LIMCH1: variants seen among roughly 807,000 people sequenced by gnomAD.
LIMCH1 encodes the protein LIM and calponin homology domains-containing protein 1.
A neutral mutation model predicts 176.5 loss-of-function variants in LIMCH1; 113 were observed. The ratio of observed to expected loss-of-function variants is 0.64; its 90% CI spans 0.55 to 0.75. The LOEUF (loss-of-function observed/expected upper bound fraction) is 0.75. Among genes scored for constraint, LIMCH1 ranks in the 30% least tolerant of loss-of-function variants. The pLI is 0.00. For missense variants in LIMCH1, 1,674 were observed against 1,814.9 expected, an observed-to-expected ratio of 0.92 and a Z score of 1.41; for synonymous variants, 619 against 645.9, an observed-to-expected ratio of 0.96 and a Z score of 0.63.
intron 1 of LIMCH1, among the ~76,000 whole-genome samples, chr4:41,432,610 A>G (rs987096791): frequency 1.3e-5 from 2 of 152,214 alleles, no homozygotes; most frequent in Non-Finnish European, 2.9e-5. Context: ...TGGGAATAGC[A>G]TCATTTGGGC....
intron 12 of LIMCH1, 131 bp from the exon 13 acceptor site, chr4:41,633,417 G>C: frequency 9.2e-7 from 1 of 1,091,646 alleles, no homozygotes; most frequent in Non-Finnish European, 1.3e-6. Flanking sequence ...TTCCTGCTCA[G>C]CTGCTCTGTG....
At chr4:41,642,157 T>A (rs2152916054) in intron 14 of LIMCH1, among the ~76,000 whole-genome samples, 1 of 152,330 alleles carries the variant, frequency 6.6e-6, no homozygotes, top group South Asian at 2.1e-4. Flanking sequence ...CAGAGTTGAA[T>A]GAAGGGACCT....
chr4:41,420,797 G>A (rs1284618554), intron 1 of LIMCH1, among the ~76,000 whole-genome samples: 1 of 152,234 alleles, frequency 6.6e-6, no homozygotes, highest in Non-Finnish European at 1.5e-5. Context: ...TTGATGGCAG[G>A]TGTTACCTTG....
At chr4:41,415,029 A>G (rs937092792) in intron 1 of LIMCH1, among the ~76,000 whole-genome samples, 2 of 152,132 alleles carry the variant, frequency 1.3e-5, no homozygotes, top group African/African-American at 4.8e-5. Context: ...ACAATATAAT[A>G]CCTGTTTCAT....
chr4:41,470,422 TTC>T (rs1240435643), intron 1 of LIMCH1, among the ~76,000 whole-genome samples: 1 of 152,212 alleles, frequency 6.6e-6, no homozygotes, highest in Non-Finnish European at 1.5e-5. Context: ...CAATTGTCAT[TTC>T]TCTCTTTCCT....
At chr4:41,442,296 T>G (rs1170910259) in intron 1 of LIMCH1, among the ~76,000 whole-genome samples, 1 of 151,164 alleles carries the variant, frequency 6.6e-6, no homozygotes, top group Non-Finnish European at 1.5e-5. Context: ...CCAGACCCTG[T>G]CTCAAAAATA....
chr4:41,669,069 G>T lies in LIMCH1; in HGVS notation c.3397+2403G>T, dbSNP rs145702159. ...CAAACCGTATGAATACTTTCATCTG[G>T]TTCATGGAAACTGTAATTATAGCTG... is the stretch of plus-strand genomic sequence containing the variant. On this transcript the variant is annotated intron_variant, in intron 21 of 31. Transcript: ENST00000503057. Among the ~76,000 whole-genome samples the T allele has an allele frequency of 8.3e-3, 1,265 of 152,236 alleles. 18 individuals carry two copies. Among genetic ancestry groups the T allele is most frequent in the African/African-American group, 0.029 (1,206 of 41,520 alleles).
intron 2 of LIMCH1, among the ~76,000 whole-genome samples, chr4:41,498,626 A>G (rs909253701): frequency 7.2e-5 from 11 of 152,246 alleles, no homozygotes; most frequent in East Asian, 1.9e-4. Flanking sequence ...AGAAATATCA[A>G]TCATATACGG....
chr4:41,528,779 A>C (rs866183688), intron 3 of LIMCH1, among the ~76,000 whole-genome samples: 1 of 152,220 alleles, frequency 6.6e-6, no homozygotes, highest in African/African-American at 2.4e-5. Context: ...TTGAAGATAA[A>C]TAAAAAAGTG....
chr4:41,413,903 A>T (rs975084490), intron 1 of LIMCH1, among the ~76,000 whole-genome samples: 2 of 152,158 alleles, frequency 1.3e-5, no homozygotes, highest in African/African-American at 4.8e-5. Context: ...ATGACTGAGG[A>T]TTAGTAAACC....
chr4:41,643,870 G>T (rs905624203), intron 14 of LIMCH1, among the ~76,000 whole-genome samples: 4 of 152,148 alleles, frequency 2.6e-5, no homozygotes, highest in African/African-American at 9.7e-5. Context: ...AAAAAGAAAT[G>T]ATTACAATGA....
chr4:41,661,890 G>T, intron 19 of LIMCH1: 1 of 397,524 alleles, frequency 2.5e-6, no homozygotes, highest in Non-Finnish European at 4.8e-6. Context: ...CGCTGAAATG[G>T]TAAAGCTCAC....
chr4:41,389,063 CT>C (rs2056883647), intron 1 of LIMCH1: 1 of 152,276 alleles, frequency 6.6e-6, no homozygotes, highest in African/African-American at 2.4e-5. Context: ...CAGAGTGCAA[CT>C]TTCTTTGGTC....
At chr4:41,547,752 A>AAAAATAT (rs1210961133) in intron 1 of LIMCH1, among the ~76,000 whole-genome samples, 1 of 140,264 alleles carries the variant, frequency 7.1e-6, no homozygotes, top group Non-Finnish European at 1.5e-5. Context: ...AATAATATAT[A>AAAAATAT]AAAATATAAA....
intron 1 of LIMCH1, among the ~76,000 whole-genome samples, chr4:41,393,398 A>G (rs545272800): frequency 6.6e-6 from 1 of 152,230 alleles, no homozygotes; most frequent in African/African-American, 2.4e-5. Flanking sequence ...ACGGCAATAA[A>G]GTGTGCATTA....
rs766072944 is a variant in LIMCH1, at chr4:41,627,017, ATGGTG to A, written c.1028+10_1028+14del. The A allele has an allele frequency of 4.7e-4, 613 of 1,315,826 alleles. 3 individuals are homozygous for A. In the African/African-American group the frequency reaches 9.3e-3, roughly 20 times the overall value. 81.5% of individuals were successfully genotyped at this position (1,315,826 alleles called of 1,614,324 possible). The stretch of plus-strand genomic sequence containing the variant: ...GAAGTCTAGAATATAAAAGGTGTGC[ATGGTG>A]TGTGTGTGTGTGTGTGTGTGTGTGT... On this transcript the variant is annotated splice_region_variant and intron_variant, in intron 8 of 31. Transcript: ENST00000503057.
intron 2 of LIMCH1, among the ~76,000 whole-genome samples, chr4:41,502,140 T>G (rs1286786306): frequency 6.7e-6 from 1 of 150,024 alleles, no homozygotes; most frequent in Non-Finnish European, 1.5e-5. Flanking sequence ...CAGCTCCCCC[T>G]TATAAGTGAG....
intron 1 of LIMCH1, among the ~76,000 whole-genome samples, chr4:41,416,675 A>G: frequency 6.6e-6 from 1 of 152,092 alleles, no homozygotes; most frequent in South Asian, 2.1e-4. Context: ...AAAAAAAAAA[A>G]AAGAAAATTT....
At position 41,650,493 on chromosome 4, in the gene LIMCH1, C is replaced by G. The variant is rs1381110052; in HGVS notation, c.2921C>G (p.Ser974Cys). 4 of 1,614,030 alleles carry G rather than the reference C, an allele frequency of 2.5e-6. No homozygotes were observed. The highest frequency in any genetic ancestry group is 2.5e-6 in the Non-Finnish European group (3 of 1,179,976). ...GCACCTGCCCACTCCTTAACCAAAT[C>G]CCAGATGTTTGAAGGTGTGGCCAGA... ...TVAPAHSLTK[S>C]QMFEGVARVH... Residue 974 changes from serine (S) to cysteine (C), a missense_variant, in exon 18 of 32, where the codon TCC becomes TGC. Physicochemically the swap from Ser to Cys is moderately radical, Grantham distance 112. This residue lies in a region of LIMCH1 where 1,015 missense variants were observed against 1,102.5 expected (regional missense o/e 0.92). Transcript: ENST00000503057.
Sources: allele counts gnomAD v4.1 joint callset (sites outside exome capture counted in the v4.1 genomes callset), GRCh38; gene constraint gnomAD v4.1.1; regional missense constraint gnomAD v4.1.1; transcripts MANE v1.5; gene names NCBI Gene and HGNC (gene_info 2026-07-23, HGNC 2026-07-21).